The following TSPAN2 variants were observed in gnomAD, a reference collection of about 807,000 sequenced individuals.
TSPAN2 encodes tetraspanin-2.
Under a neutral mutation model 33.3 loss-of-function variants are expected in TSPAN2, and 24 were observed. That is an observed-to-expected ratio of 0.72 (90% CI 0.52 to 1.01). The LOEUF is 1.01. Ranked by LOEUF, TSPAN2 falls within the 50% of genes least tolerant of loss-of-function variation. TSPAN2 has a pLI of 0.00. For synonymous variants in TSPAN2, 114 were observed against 104.5 expected (o/e 1.09, Z -0.56); for missense variants, 278 against 281.3 (o/e 0.99, Z 0.08).
intron 1 of TSPAN2, among the ~76,000 whole-genome samples, chr1:115,087,541 GGGAGGT>G (rs1220464060): frequency 6.6e-6 from 1 of 151,258 alleles, no homozygotes; most frequent in Non-Finnish European, 1.5e-5. Flanking sequence ...GCGTGCATCT[GGGAGGT>G]GGAGCTTGCA....
intron 6 of TSPAN2, among the ~76,000 whole-genome samples, chr1:115,055,930 G>A (rs567426183): frequency 1.3e-5 from 2 of 152,250 alleles, no homozygotes; most frequent in African/African-American, 4.8e-5. Flanking sequence ...AACATGTAAT[G>A]AGCATGATTT....
chr1:115,064,924 C>T (rs1348342070), intron 2 of TSPAN2, among the ~76,000 whole-genome samples: 1 of 152,218 alleles, frequency 6.6e-6, no homozygotes, highest in Non-Finnish European at 1.5e-5. Context: ...GTAAATGAAA[C>T]TGTCTGCTCC....
At chr1:115,072,385 G>C (rs984868557) in intron 2 of TSPAN2, among the ~76,000 whole-genome samples, 16 of 152,128 alleles carry the variant, frequency 1.1e-4, no homozygotes, top group African/African-American at 3.6e-4. Context: ...GTCATGGAGA[G>C]ACTGAGATTA....
At chr1:115,062,561 G>A (rs1488421531) in intron 2 of TSPAN2, among the ~76,000 whole-genome samples, 1 of 152,142 alleles carries the variant, frequency 6.6e-6, no homozygotes, top group Non-Finnish European at 1.5e-5. Context: ...CAAGCCCCAC[G>A]TACAGTTCTT....
intron 2 of TSPAN2, among the ~76,000 whole-genome samples, chr1:115,072,662 G>C (rs1425398070): frequency 6.6e-6 from 1 of 152,142 alleles, no homozygotes; most frequent in Non-Finnish European, 1.5e-5. Flanking sequence ...TGATTTTGGA[G>C]AGCGGAGGAA....
chr1:115,087,547 T>C (rs1311180549), intron 1 of TSPAN2, among the ~76,000 whole-genome samples: 3 of 135,752 alleles, frequency 2.2e-5, no homozygotes, highest in Non-Finnish European at 4.6e-5. Context: ...ATCTGGGAGG[T>C]GGAGCTTGCA....
At chr1:115,079,373 A>C (rs1301874835) in intron 1 of TSPAN2, among the ~76,000 whole-genome samples, 6 of 152,216 alleles carry the variant, frequency 3.9e-5, no homozygotes, top group Admixed American at 1.3e-4. Context: ...TTGGAATCAC[A>C]TAATGAGCAC....
rs1356694151 is a variant in TSPAN2, at chr1:115,060,328, C to G, written c.345+136G>C. On this transcript the variant is annotated intron_variant, in intron 4 of 7. Transcript: ENST00000369516. ...TCATATACATATATGCTCAGTTCTGCACACCACTTCTAAGTTAAAAAGTTC... is the reference window on the plus strand; with the variant it reads ...TCATATACATATATGCTCAGTTCTGGACACCACTTCTAAGTTAAAAAGTTC... The G allele has an allele frequency of 7.3e-6, 5 of 681,244 alleles. No homozygotes were observed. The African/African-American group carries it at 9.1e-5, about 12-fold the overall frequency. 42.2% of individuals were successfully genotyped at this position (681,244 alleles called of 1,614,324 possible).
In TSPAN2 at chr1:115,064,058, G is replaced by GAA. The variant is rs11392514; in HGVS notation, c.173-1828_173-1827dup. Reference sequence around the variant, plus strand: ...TGATTCTAAAATGAAAGTTGAAAAAGAAAAAAAAAAGTCATTCACTGTGTT... The same window carrying GAA: ...TGATTCTAAAATGAAAGTTGAAAAAGAAAAAAAAAAAAGTCATTCACTGTGTT... On this transcript the variant is annotated intron_variant, in intron 2 of 7. Coordinates refer to ENST00000369516, the MANE Select transcript of TSPAN2 (RefSeq NM_005725.6). 2.4e-3 allele frequency among the ~76,000 whole-genome samples: 361 copies of GAA among 149,444 alleles called. 1 individual carries two copies. Among genetic ancestry groups the GAA allele is most frequent in the African/African-American group, 8.6e-3 (348 of 40,700 alleles).
chr1:115,057,732 C>A (rs1647493057), intron 5 of TSPAN2, 124 bp from the exon 6 acceptor site: 1 of 779,250 alleles, frequency 1.3e-6, no homozygotes, highest in Non-Finnish European at 2.2e-6. Flanking sequence ...TCACTGCAAC[C>A]CAGACTGCTA....
At chr1:115,087,146 T>C (rs868031348) in intron 1 of TSPAN2, among the ~76,000 whole-genome samples, 2 of 152,012 alleles carry the variant, frequency 1.3e-5, no homozygotes, top group East Asian at 4.0e-4. Flanking sequence ...CTCGAACTCC[T>C]GACCTCAGGT....
chr1:115,083,664 G>A (rs12034918), intron 1 of TSPAN2, among the ~76,000 whole-genome samples: 35,134 of 152,148 alleles, frequency 0.23, 4,249 homozygotes, highest in South Asian at 0.35. Context: ...CTGTACGCAC[G>A]TTAAAGTTTG....
intron 2 of TSPAN2, among the ~76,000 whole-genome samples, chr1:115,068,051 C>T (rs898058035): frequency 7.9e-5 from 12 of 152,180 alleles, no homozygotes; most frequent in African/African-American, 2.4e-4. Flanking sequence ...CCTCTGCCAG[C>T]GTCACTCCTG....
intron 3 of TSPAN2, among the ~76,000 whole-genome samples, chr1:115,060,868 A>G (rs1218649950): frequency 6.6e-6 from 1 of 152,244 alleles, no homozygotes; most frequent in African/African-American, 2.4e-5. Context: ...CACCTAGAAC[A>G]CCACCTGGCA....
chr1:115,061,605 C>T (rs1339794743), intron 3 of TSPAN2, among the ~76,000 whole-genome samples: 1 of 152,182 alleles, frequency 6.6e-6, no homozygotes, highest in African/African-American at 2.4e-5. Context: ...CCCAAAACAT[C>T]TTTACACCAA....
chr1:115,083,180 C>A (rs1476369293), intron 1 of TSPAN2, among the ~76,000 whole-genome samples: 1 of 152,150 alleles, frequency 6.6e-6, no homozygotes, highest in Non-Finnish European at 1.5e-5. Context: ...TGTTTCAGTG[C>A]TCAGTATAGC....
intron 1 of TSPAN2, among the ~76,000 whole-genome samples, chr1:115,088,815 G>T (rs1648941289): frequency 6.6e-6 from 1 of 151,716 alleles, no homozygotes; most frequent in Non-Finnish European, 1.5e-5. Flanking sequence ...AAAGGACGAC[G>T]CCCCCCCACC....
rs186133660 is a variant in TSPAN2, at chr1:115,049,797, T to C, written c.*693A>G. Reference sequence around the variant, plus strand: ...CACTCACTTTTATAGGGCACATGATTGTCTGTGTGACTTCTCTTTCCAGAG... The same window carrying C: ...CACTCACTTTTATAGGGCACATGATCGTCTGTGTGACTTCTCTTTCCAGAG... On this transcript the variant is annotated 3_prime_UTR_variant, in exon 8 of 8. Coordinates refer to ENST00000369516, the MANE Select transcript of TSPAN2 (RefSeq NM_005725.6). 6.6e-6 allele frequency: 1 copy of C among 152,642 alleles called. No homozygotes were observed. 9.5% of individuals were successfully genotyped at this position (152,642 alleles called of 1,614,324 possible). A position where few individuals can be genotyped will look rare whatever the true frequency, so the allele number is the denominator to read the frequency against.
intron 2 of TSPAN2, among the ~76,000 whole-genome samples, chr1:115,072,620 A>G (rs1440731861): frequency 1.3e-5 from 2 of 152,136 alleles, no homozygotes; most frequent in Non-Finnish European, 2.9e-5. Context: ...AACAAAGCAC[A>G]ACAGGCTGCT....
Sources: gnomAD v4.1 joint callset for allele counts (sites outside exome capture counted in the v4.1 genomes callset) on GRCh38, gnomAD v4.1.1 for gene constraint, MANE v1.5 for transcripts, NCBI Gene and HGNC (gene_info 2026-07-23, HGNC 2026-07-21) for gene names.